The following EPHA6 variants were observed in gnomAD, a reference collection of about 807,000 sequenced individuals.
EPHA6 encodes EPH receptor A6.
EPHA6 carries 50 observed loss-of-function variants against 112.0 expected under a neutral mutation model. The ratio of observed to expected loss-of-function variants is 0.45; its 90% CI spans 0.36 to 0.56. The LOEUF (loss-of-function observed/expected upper bound fraction) is 0.56, where lower values mean the gene tolerates loss of function less well. Ranked by LOEUF, EPHA6 falls within the 20% of genes least tolerant of loss-of-function variation. The pLI, the probability that EPHA6 is intolerant of heterozygous loss-of-function variation, is 0.00. For missense variants in EPHA6, 1,280 were observed against 1,417.4 expected (o/e 0.90, Z 1.56); for synonymous variants, 529 against 490.7 (o/e 1.08, Z -1.03).
chr3:97,466,598 C>A, intron 7 of EPHA6: 1 of 657,446 alleles, frequency 1.5e-6, no homozygotes, highest in Admixed American at 2.7e-5. Context: ...GGTTTGTCTT[C>A]AGTATTCTCA....
At chr3:97,506,143 C>G (rs9707634) in intron 10 of EPHA6, among the ~76,000 whole-genome samples, 1 of 152,164 alleles carries the variant, frequency 6.6e-6, no homozygotes, top group Non-Finnish European at 1.5e-5. Context: ...TGCCTGTTCA[C>G]TCTGATGATA....
At chr3:97,557,648 T>A (rs1257486180) in intron 11 of EPHA6, among the ~76,000 whole-genome samples, 3 of 151,952 alleles carry the variant, frequency 2.0e-5, no homozygotes, top group Admixed American at 6.6e-5. Context: ...TTTTCTTCAG[T>A]TATTTCTTTG....
chr3:96,917,772 A>G (rs548576813), intron 2 of EPHA6, among the ~76,000 whole-genome samples: 1 of 152,306 alleles, frequency 6.6e-6, no homozygotes, highest in East Asian at 1.9e-4. Flanking sequence ...CTCACCAAAC[A>G]AAAGTAAATT....
chr3:96,860,729 TAA>T (rs1303917241), intron 1 of EPHA6, among the ~76,000 whole-genome samples: 1 of 152,074 alleles, frequency 6.6e-6, no homozygotes, highest in Non-Finnish European at 1.5e-5. Context: ...TTATTAAATA[TAA>T]GACTAGAAAA....
chr3:96,846,175 C>G (rs896755537), intron 1 of EPHA6, among the ~76,000 whole-genome samples: 22 of 151,910 alleles, frequency 1.4e-4, no homozygotes, highest in African/African-American at 5.1e-4. Flanking sequence ...TCTGTATATC[C>G]TTGTCCCTAA....
chr3:97,758,284 T>C lies in EPHA6; in HGVS notation c.*9583T>C, dbSNP rs948842334. On this transcript the variant is annotated 3_prime_UTR_variant, in exon 18 of 18. Transcript: ENST00000389672. ...TCTACCATTAAATGCAATAATAAGGTATCTATAATATAACAATCAAAAATA... is the reference window on the plus strand; with the variant it reads ...TCTACCATTAAATGCAATAATAAGGCATCTATAATATAACAATCAAAAATA... 6.6e-6 allele frequency among the ~76,000 whole-genome samples: 1 copy of C among 151,924 alleles called. No homozygotes were observed. The highest frequency in any genetic ancestry group is 2.4e-5 in the African/African-American group (1 of 41,420).
At chr3:97,583,253 T>C (rs1244038337) in intron 11 of EPHA6, among the ~76,000 whole-genome samples, 2 of 151,698 alleles carry the variant, frequency 1.3e-5, no homozygotes, top group Non-Finnish European at 2.9e-5. Flanking sequence ...GAAGAACATA[T>C]AGTTGGCAGG....
chr3:96,885,961 A>C (rs947884207), intron 2 of EPHA6, among the ~76,000 whole-genome samples: 1 of 152,152 alleles, frequency 6.6e-6, no homozygotes, highest in Admixed American at 6.5e-5. Context: ...TTAAATTTCC[A>C]TCTTGATTTC....
At chr3:97,392,666 T>A (rs565401841) in intron 5 of EPHA6, among the ~76,000 whole-genome samples, 1 of 151,954 alleles carries the variant, frequency 6.6e-6, no homozygotes, top group Admixed American at 6.6e-5. Flanking sequence ...AAGCTTTATC[T>A]GCTCATACTA....
rs1451388101 is a variant in EPHA6 at position 96,987,322 on chromosome 3, T to A, written c.451-8T>A. 6.3e-7 allele frequency: 1 copy of A among 1,577,770 alleles called. No homozygotes were observed. Among genetic ancestry groups the A allele is most frequent in the African/African-American group, 1.4e-5 (1 of 73,702 alleles). ...AAATCACTTAATTACTTTTTTCCCTTTTTGCAGTGGGATGCCATCACTGAA... is the reference window on the plus strand; with the variant it reads ...AAATCACTTAATTACTTTTTTCCCTATTTGCAGTGGGATGCCATCACTGAA... On this transcript the variant is annotated splice_polypyrimidine_tract_variant and splice_region_variant and intron_variant, in intron 2 of 17. Coordinates refer to ENST00000389672, the MANE Select transcript of EPHA6 (RefSeq NM_001080448.3).
chr3:97,013,249 G>C (rs1485364878), intron 3 of EPHA6, among the ~76,000 whole-genome samples: 1 of 151,912 alleles, frequency 6.6e-6, no homozygotes, highest in Non-Finnish European at 1.5e-5. Flanking sequence ...AAATGTGCTT[G>C]TTTAAAAAAG....
chr3:97,068,607 T>C (rs1214959052), intron 3 of EPHA6, among the ~76,000 whole-genome samples: 1 of 151,658 alleles, frequency 6.6e-6, no homozygotes, highest in African/African-American at 2.4e-5. Flanking sequence ...TTGAGGAACA[T>C]GTACACACTC....
chr3:96,836,903 T>G (rs1308401143), intron 1 of EPHA6, among the ~76,000 whole-genome samples: 1 of 152,124 alleles, frequency 6.6e-6, no homozygotes, highest in Non-Finnish European at 1.5e-5. Flanking sequence ...TTAATCCTCC[T>G]TTCACCCCCT....
At position 97,369,138 on chromosome 3, in the gene EPHA6, G is replaced by T. The variant is rs1395393146; in HGVS notation, c.1607-36012G>T. ...TTGTAGTCAGACTACAGTGAATGAT[G>T]GAACAAAGTGTCATGATATAACAAT... On this transcript the variant is annotated intron_variant, in intron 5 of 17. Coordinates refer to ENST00000389672, the MANE Select transcript of EPHA6 (RefSeq NM_001080448.3). Among the ~76,000 whole-genome samples, 4 of 152,172 alleles carry T rather than the reference G, an allele frequency of 2.6e-5. No individual in the cohort carries two copies. In the East Asian group the frequency reaches 7.7e-4, roughly 29 times the overall value.
At chr3:97,019,447 CTA>C (rs1481998398) in intron 3 of EPHA6, among the ~76,000 whole-genome samples, 2 of 152,120 alleles carry the variant, frequency 1.3e-5, no homozygotes, top group African/African-American at 2.4e-5. Flanking sequence ...CTCTAGTAAT[CTA>C]TCTCCTGTGA....
At chr3:96,868,306 A>T (rs1480943152) in intron 2 of EPHA6, among the ~76,000 whole-genome samples, 2 of 151,702 alleles carry the variant, frequency 1.3e-5, no homozygotes, top group Admixed American at 6.6e-5. Flanking sequence ...AGTGAAGAGG[A>T]TAGATTACTG....
chr3:97,056,775 C>T (rs2045867325), intron 3 of EPHA6, among the ~76,000 whole-genome samples: 3 of 152,152 alleles, frequency 2.0e-5, no homozygotes, highest in Admixed American at 6.5e-5. Flanking sequence ...TTCATTTAAT[C>T]TTCCATTTCT....
At chr3:97,090,758 T>C (rs2047039062) in intron 3 of EPHA6, among the ~76,000 whole-genome samples, 1 of 152,070 alleles carries the variant, frequency 6.6e-6, no homozygotes, top group East Asian at 1.9e-4. Flanking sequence ...GGATTTATAA[T>C]GGACTCATTG....
chr3:97,689,566 A>G (rs1023228791), intron 14 of EPHA6, among the ~76,000 whole-genome samples: 1 of 152,206 alleles, frequency 6.6e-6, no homozygotes, highest in Admixed American at 6.5e-5. Flanking sequence ...AGTGGCCAGG[A>G]ACCCAGGATC....
Sources: gnomAD v4.1 joint callset for allele counts (sites outside exome capture counted in the v4.1 genomes callset) on GRCh38, gnomAD v4.1.1 for gene constraint, MANE v1.5 for transcripts, NCBI Gene and HGNC (gene_info 2026-07-23, HGNC 2026-07-21) for gene names.